Variants in NOX4 observed in about 807,000 individuals in gnomAD.
The protein encoded by NOX4 is NADPH oxidase 4, also known as kidney oxidase-1.
NOX4 carries 69 observed loss-of-function variants against 87.6 expected under a neutral mutation model. The ratio of observed to expected loss-of-function variants is 0.79; its 90% CI spans 0.65 to 0.96. The LOEUF (loss-of-function observed/expected upper bound fraction) is 0.96. NOX4 is among the 40% of genes least tolerant of loss of function. The pLI is 0.00. For synonymous variants in NOX4, 275 were observed against 238.2 expected (o/e 1.15, Z -1.42); for missense variants, 680 against 681.5 (o/e 1.00, Z 0.02).
intron 17 of NOX4, among the ~76,000 whole-genome samples, chr11:89,331,666 G>GA (rs983656330): frequency 1.3e-5 from 2 of 151,446 alleles, no homozygotes; most frequent in African/African-American, 2.4e-5. Context: ...AGTTAGTTTG[G>GA]CAAGTCTTTC....
At chr11:89,558,833 A>G in the NOX4 span, among the ~76,000 whole-genome samples, 1 of 152,152 alleles carries the variant, frequency 6.6e-6, no homozygotes, top group African/African-American at 2.4e-5. Flanking sequence ...TACGCCATAC[A>G]CATCTCTCTT....
intron 2 of NOX4, among the ~76,000 whole-genome samples, chr11:89,474,540 T>C (rs971488977): frequency 2.0e-5 from 3 of 151,044 alleles, no homozygotes; most frequent in African/African-American, 7.3e-5. Context: ...ATTATGGCAT[T>C]ATGGTGCACT....
chr11:89,563,527 T>C, the NOX4 span, among the ~76,000 whole-genome samples: 1 of 152,296 alleles, frequency 6.6e-6, no homozygotes, highest in Middle Eastern at 3.4e-3. Flanking sequence ...TATTTTTGCC[T>C]TTCCAAATGC....
At chr11:89,539,527 A>G in the NOX4 span, among the ~76,000 whole-genome samples, 1 of 152,276 alleles carries the variant, frequency 6.6e-6, no homozygotes, top group South Asian at 2.1e-4. Flanking sequence ...TGACTGACAG[A>G]CATTTCTCTT....
chr11:89,432,919 G>T, intron 6 of NOX4, 63 bp from the exon 7 acceptor site: 1 of 1,086,038 alleles, frequency 9.2e-7, no homozygotes, highest in South Asian at 1.3e-5. Flanking sequence ...TACAAAAAAT[G>T]ATTATATTAG....
chr11:89,337,654 C>T, intron 15 of NOX4, 139 bp from the exon 16 acceptor site: 1 of 1,147,388 alleles, frequency 8.7e-7, no homozygotes, highest in Non-Finnish European at 1.2e-6. Flanking sequence ...AATGAATACA[C>T]ACACACATAC....
At position 89,352,142 on chromosome 11, in the gene NOX4, G is replaced by T. The variant is rs542361538; in HGVS notation, c.1217+2820C>A. ...GGGCTAGGAAGTGGGTGAATAATGA[G>T]AAATTACTTATTGCATACAATGTAT... On this transcript the variant is annotated intron_variant, in intron 13 of 17. Transcript: ENST00000263317. Among the ~76,000 whole-genome samples, 7 of 152,230 alleles carry T rather than the reference G, an allele frequency of 4.6e-5. 1 individual carries two copies. The East Asian group carries it at 1.4e-3, about 29-fold the overall frequency.
At chr11:89,464,690 A>T (rs1945603194) in intron 2 of NOX4, among the ~76,000 whole-genome samples, 1 of 152,186 alleles carries the variant, frequency 6.6e-6, no homozygotes, top group African/African-American at 2.4e-5. Flanking sequence ...AGTTGTCACT[A>T]GATGGAAGTG....
the NOX4 span, among the ~76,000 whole-genome samples, chr11:89,516,707 G>T: frequency 9.9e-5 from 15 of 152,154 alleles, no homozygotes; most frequent in African/African-American, 3.6e-4. Flanking sequence ...AGGGTTTATA[G>T]TCATATTTTG....
intron 9 of NOX4, among the ~76,000 whole-genome samples, chr11:89,400,640 A>G (rs1280073954): frequency 1.3e-5 from 2 of 152,034 alleles, no homozygotes; most frequent in Non-Finnish European, 2.9e-5. Context: ...GCAAACAAGT[A>G]TATATTCTTT....
At chr11:89,566,050 T>C in the NOX4 span, among the ~76,000 whole-genome samples, 1 of 150,072 alleles carries the variant, frequency 6.7e-6, no homozygotes, top group Non-Finnish European at 1.5e-5. Context: ...TTTCTTTTTT[T>C]TTTTTTTTTT....
At chr11:89,449,410 A>T (rs368641388) in intron 4 of NOX4, 30 bp downstream of exon 4, 1 of 1,489,048 alleles carries the variant, frequency 6.7e-7, no homozygotes, top group Non-Finnish European at 9.3e-7. Flanking sequence ...TAATTCTAAC[A>T]AATTATTTAA....
chr11:89,562,975 G>C, the NOX4 span, among the ~76,000 whole-genome samples: 1 of 152,122 alleles, frequency 6.6e-6, no homozygotes, highest in African/African-American at 2.4e-5. Context: ...TGGTTTGAAA[G>C]TGGGCACTTC....
chr11:89,405,397 C>G (rs1341527550), intron 8 of NOX4, among the ~76,000 whole-genome samples: 1 of 152,026 alleles, frequency 6.6e-6, no homozygotes, highest in African/African-American at 2.4e-5. Context: ...CATAGGCCAT[C>G]TCTGTCCTAA....
intron 8 of NOX4, among the ~76,000 whole-genome samples, chr11:89,403,557 G>C (rs317130): frequency 0.57 from 86,237 of 151,800 alleles, 26,154 homozygotes; most frequent in African/African-American, 0.77. Context: ...CTGACCAACA[G>C]GGAGAAGCCC....
the NOX4 span, among the ~76,000 whole-genome samples, chr11:89,549,111 T>C: frequency 2.0e-5 from 3 of 152,230 alleles, no homozygotes; most frequent in Non-Finnish European, 4.4e-5. Context: ...AGAACTGCTT[T>C]TCATTATTTA....
At position 89,415,518 on chromosome 11, in the gene NOX4, A is replaced by C. The variant is rs182632992; in HGVS notation, c.629+6384T>G. On this transcript the variant is annotated intron_variant, in intron 8 of 17. Coordinates refer to ENST00000263317, the MANE Select transcript of NOX4 (RefSeq NM_016931.5). ...TTTTTTGAAACGTTTTTGACCACAC[A>C]AACTTTACGGTATCTAATGAAAGTT... is the stretch of plus-strand genomic sequence containing the variant. Among the ~76,000 whole-genome samples, 559 of 152,284 alleles carry C rather than the reference A, an allele frequency of 3.7e-3. 2 individuals are homozygous for C. The highest frequency in any genetic ancestry group is 0.013 in the African/African-American group (534 of 41,582).
At chr11:89,337,667 A>G (rs1316901950) in intron 15 of NOX4, 152 bp from the exon 16 acceptor site, 3 of 1,073,628 alleles carry the variant, frequency 2.8e-6, no homozygotes, top group Admixed American at 5.1e-5. Flanking sequence ...ACACATACAT[A>G]CACAGAAATA....
At chr11:89,397,217 TAC>T (rs1941553066) in intron 11 of NOX4, among the ~76,000 whole-genome samples, 1 of 152,168 alleles carries the variant, frequency 6.6e-6, no homozygotes. Flanking sequence ...CCTGAATGAC[TAC>T]TGGGTAAATA....
Sources: allele counts gnomAD v4.1 joint callset (sites outside exome capture counted in the v4.1 genomes callset), GRCh38; gene constraint gnomAD v4.1.1; transcripts MANE v1.5; gene names NCBI Gene and HGNC (gene_info 2026-07-23, HGNC 2026-07-21).